Variants in CDC42SE2 observed in about 807,000 individuals in gnomAD.
CDC42SE2 encodes the protein CDC42 small effector protein 2.
A neutral mutation model predicts 11.5 loss-of-function variants in CDC42SE2; 3 were observed. The ratio of observed to expected loss-of-function variants is 0.26; its 90% CI spans 0.12 to 0.67. The LOEUF is 0.67. CDC42SE2 is among the 30% of genes least tolerant of loss of function. The pLI, the probability that CDC42SE2 is intolerant of heterozygous loss-of-function variation, is 0.80. For missense variants in CDC42SE2, 82 were observed against 106.8 expected (o/e 0.77, Z 1.02); for synonymous variants, 33 against 34.8 (o/e 0.95, Z 0.18).
At position 131,349,217 on chromosome 5, in the gene CDC42SE2, C is replaced by G. The variant is rs560104178; in HGVS notation, c.-285-9992C>G. Among the ~76,000 whole-genome samples the G allele has an allele frequency of 1.3e-4, 20 of 151,948 alleles. No homozygotes were observed. In the South Asian group the frequency reaches 3.9e-3, roughly 30 times the overall value. On this transcript the variant is annotated intron_variant, in intron 2 of 4. Transcript: ENST00000505065. Reference sequence around the variant, plus strand: ...TAGCGACATGGATGAAGCTGGAAACCATCATTCTGAACAAACTATCGCAAG... The same window carrying G: ...TAGCGACATGGATGAAGCTGGAAACGATCATTCTGAACAAACTATCGCAAG...
chr5:131,382,175 T>TC (rs1750347291), intron 3 of CDC42SE2, among the ~76,000 whole-genome samples: 1 of 152,240 alleles, frequency 6.6e-6, no homozygotes, highest in Non-Finnish European at 1.5e-5. Context: ...ATGATAGAAG[T>TC]AAGCTGAAGT....
intron 1 of CDC42SE2, among the ~76,000 whole-genome samples, chr5:131,254,344 C>A (rs1041055396): frequency 3.9e-5 from 6 of 152,072 alleles, no homozygotes. Context: ...GAGTTCAAGA[C>A]CAGCCTGGCC....
chr5:131,336,203 G>T (rs369843030), intron 2 of CDC42SE2, among the ~76,000 whole-genome samples: 16 of 150,306 alleles, frequency 1.1e-4, no homozygotes, highest in African/African-American at 2.4e-4. Context: ...GTCTGTAAAG[G>T]ATTTTATTTC....
At chr5:131,344,109 A>G (rs1400524802) in intron 2 of CDC42SE2, among the ~76,000 whole-genome samples, 1 of 152,202 alleles carries the variant, frequency 6.6e-6, no homozygotes, top group Non-Finnish European at 1.5e-5. Context: ...GCGACGCAGA[A>G]GAAGGGTGAT....
chr5:131,238,092 A>G, the CDC42SE2 span, among the ~76,000 whole-genome samples: 2 of 24,218 alleles, frequency 8.3e-5, no homozygotes, highest in African/African-American at 3.5e-4. Context: ...ACCTCTCAAT[A>G]GTATTTTTCA....
Position 131,359,385 on chromosome 5 carries a change from T to G in CDC42SE2, c.-109T>G. ...ACAAAAACACGGTGAAATAATAAAA[T>G]TTCATCTTGGCATCACTGGACATCA... On this transcript the variant is annotated 5_prime_UTR_variant, in exon 3 of 5. Coordinates refer to ENST00000505065, the MANE Select transcript of CDC42SE2 (RefSeq NM_001375635.1). 1.2e-6 allele frequency: 1 copy of G among 827,480 alleles called. No individual in the cohort carries two copies. Among genetic ancestry groups the G allele is most frequent in the African/African-American group, 1.7e-5 (1 of 59,782 alleles). The allele number at this position is 827,480 out of a possible 1,614,324, so 51.3% of individuals were successfully genotyped here. A position where few individuals can be genotyped will look rare whatever the true frequency, so the allele number is the denominator to read the frequency against.
At chr5:131,223,217 C>G in the CDC42SE2 span, among the ~76,000 whole-genome samples, 1 of 152,350 alleles carries the variant, frequency 6.6e-6, no homozygotes, top group African/African-American at 2.4e-5. Flanking sequence ...TCTAGTCCCA[C>G]CAGACATTTT....
At chr5:131,266,195 G>A (rs972915184) in intron 1 of CDC42SE2, among the ~76,000 whole-genome samples, 6 of 152,042 alleles carry the variant, frequency 3.9e-5, no homozygotes, top group African/African-American at 1.2e-4. Flanking sequence ...ATAAGGTTGC[G>A]TTGCCTATTT....
At chr5:131,323,037 C>A (rs1047504507) in intron 2 of CDC42SE2, among the ~76,000 whole-genome samples, 2 of 151,230 alleles carry the variant, frequency 1.3e-5, no homozygotes, top group Non-Finnish European at 2.9e-5. Context: ...TTTTTTTCTT[C>A]TTTCTTTTGA....
the CDC42SE2 span, among the ~76,000 whole-genome samples, chr5:131,216,516 A>AAAACAC: frequency 1.3e-5 from 2 of 149,682 alleles, no homozygotes; most frequent in Non-Finnish European, 2.9e-5. Context: ...AAAAAAAAAA[A>AAAACAC]AAAAAACATT....
chr5:131,379,108 T>A (rs139752984), intron 3 of CDC42SE2, among the ~76,000 whole-genome samples: 11 of 152,380 alleles, frequency 7.2e-5, no homozygotes, highest in Non-Finnish European at 1.3e-4. Context: ...GTCATAAAGT[T>A]GAGTCAGCAT....
At chr5:131,345,335 G>A (rs1185618739) in intron 2 of CDC42SE2, among the ~76,000 whole-genome samples, 1 of 152,048 alleles carries the variant, frequency 6.6e-6, no homozygotes, top group Non-Finnish European at 1.5e-5. Context: ...GAAAACCATG[G>A]CACAAGAACT....
the CDC42SE2 span, among the ~76,000 whole-genome samples, chr5:131,221,947 A>G: frequency 6.6e-6 from 1 of 152,348 alleles, no homozygotes; most frequent in Non-Finnish European, 1.5e-5. Context: ...ATTGATTCAT[A>G]TGTATACCTG....
rs767044363 is a variant in CDC42SE2, at chr5:131,359,444, A to G, written c.-50A>G. ...AGGAGCGTATTTTTGGAACTTCCCG[A>G]GTTGAGATTTGGAACCTTCATTGGT... On this transcript the variant is annotated 5_prime_UTR_variant, in exon 3 of 5. Coordinates refer to ENST00000505065, the MANE Select transcript of CDC42SE2 (RefSeq NM_001375635.1). 8 of 1,412,620 alleles carry G rather than the reference A, an allele frequency of 5.7e-6. No individual in the cohort carries two copies. In the East Asian group the frequency reaches 1.8e-4, roughly 32 times the overall value. 87.5% of individuals were successfully genotyped at this position (1,412,620 alleles called of 1,614,324 possible).
chr5:131,320,378 C>G (rs201052883), intron 2 of CDC42SE2, among the ~76,000 whole-genome samples: 1 of 149,762 alleles, frequency 6.7e-6, no homozygotes, highest in African/African-American at 2.5e-5. Flanking sequence ...CGTGACAGAG[C>G]GAGACTCTGT....
intron 1 of CDC42SE2, among the ~76,000 whole-genome samples, chr5:131,280,321 C>CT (rs1042756879): frequency 3.3e-5 from 5 of 152,104 alleles, no homozygotes; most frequent in African/African-American, 1.2e-4. Context: ...AATAACTAGT[C>CT]AGTGGTCATG....
chr5:131,298,779 C>G (rs988372104), intron 1 of CDC42SE2, among the ~76,000 whole-genome samples: 7 of 152,116 alleles, frequency 4.6e-5, no homozygotes, highest in African/African-American at 1.7e-4. Flanking sequence ...GTGCTTTTTG[C>G]TAAGCTAAAT....
At chr5:131,243,540 C>T (rs977451825), upstream of CDC42SE2, among the ~76,000 whole-genome samples, 20 of 152,162 alleles carry the variant, frequency 1.3e-4, no homozygotes, top group Non-Finnish European at 2.2e-4. Flanking sequence ...GAGCCGAGAT[C>T]GCGCCACTGC....
chr5:131,251,842 G>A lies in CDC42SE2; in HGVS notation n.108-3253G>A, dbSNP rs1319248134. ...CAGCCTAGACACATAGTGAGACCTC[G>A]TCTCTACAAAAAAATAAAAATTAAC... is the stretch of plus-strand genomic sequence containing the variant. On this transcript the variant is annotated intron_variant and non_coding_transcript_variant, in intron 1 of 3. Transcript: ENST00000502840. Among the ~76,000 whole-genome samples, 5 of 152,096 alleles carry A rather than the reference G, an allele frequency of 3.3e-5. No individual in the cohort carries two copies. In the South Asian group the frequency reaches 6.2e-4, roughly 19 times the overall value.
Sources: gnomAD v4.1 joint callset for allele counts (sites outside exome capture counted in the v4.1 genomes callset) on GRCh38, gnomAD v4.1.1 for gene constraint, MANE v1.5 for transcripts, NCBI Gene and HGNC (gene_info 2026-07-23, HGNC 2026-07-21) for gene names.